Variants in NFKBIZ observed in about 807,000 individuals in gnomAD.
NFKBIZ encodes NF-kappa-B inhibitor zeta.
Under a neutral mutation model 76.8 loss-of-function variants are expected in NFKBIZ, and 19 were observed. The ratio of observed to expected loss-of-function variants is 0.25; its 90% CI spans 0.17 to 0.36. The LOEUF (loss-of-function observed/expected upper bound fraction) is 0.36, where lower values mean the gene tolerates loss of function less well. NFKBIZ is among the 10% of genes least tolerant of loss of function. The pLI is 1.00. For missense variants in NFKBIZ, 829 were observed against 910.9 expected, an observed-to-expected ratio of 0.91 and a Z score of 1.16; for synonymous variants, 368 against 354.8, an observed-to-expected ratio of 1.04 and a Z score of -0.42.
intron 9 of NFKBIZ, 22 bp downstream of exon 9, chr3:101,855,924 A>C (rs1943042592): frequency 1.3e-6 from 2 of 1,588,666 alleles, no homozygotes; most frequent in Admixed American, 3.5e-5. Context: ...GAAAAGGTTT[A>C]AGATGGGGTA....
At chr3:101,854,264 C>T (rs1943014057) in intron 5 of NFKBIZ, among the ~76,000 whole-genome samples, 1 of 152,114 alleles carries the variant, frequency 6.6e-6, no homozygotes, top group Non-Finnish European at 1.5e-5. Flanking sequence ...CTCCTTAGGT[C>T]TCAGTTCCTT....
intron 6 of NFKBIZ, 29 bp downstream of exon 6, chr3:101,854,712 C>A: frequency 6.7e-7 from 1 of 1,491,556 alleles, no homozygotes; most frequent in Non-Finnish European, 9.3e-7. Context: ...TCTGAAATGG[C>A]AAAGAGGGGG....
chr3:101,848,357 T>C (rs1942883856), upstream of NFKBIZ, among the ~76,000 whole-genome samples: 1 of 152,186 alleles, frequency 6.6e-6, no homozygotes, highest in Non-Finnish European at 1.5e-5. Context: ...TTCTTTGCTC[T>C]TGTTCTTTCT....
chr3:101,839,543 A>G (rs1942763688), intron 2 of NFKBIZ, among the ~76,000 whole-genome samples: 1 of 152,180 alleles, frequency 6.6e-6, no homozygotes, highest in Admixed American at 6.5e-5. Context: ...AATTTAACTC[A>G]CCTTCCAAAT....
In NFKBIZ at chr3:101,849,525, C is replaced by G. The variant is rs1296408595; in HGVS notation, c.-104C>G. On this transcript the variant is annotated 5_prime_UTR_variant, in exon 1 of 12. Transcript: ENST00000326172. ...CCCGCGCCGCGCCCGTACTGGCCCG[C>G]GCCGTCCGCCCGCCGACAGCTCCCT... 9.5e-7 allele frequency: 1 copy of G among 1,048,904 alleles called. No homozygotes were observed. The highest frequency in any genetic ancestry group is 1.7e-5 in the African/African-American group (1 of 59,448). 65.0% of individuals were successfully genotyped at this position (1,048,904 alleles called of 1,614,324 possible).
At chr3:101,833,734 C>T (rs1489924098) in intron 2 of NFKBIZ, among the ~76,000 whole-genome samples, 1 of 152,132 alleles carries the variant, frequency 6.6e-6, no homozygotes, top group East Asian at 1.9e-4. Flanking sequence ...TTGTAAACAG[C>T]CAATGAAAAC....
intron 11 of NFKBIZ, chr3:101,857,875 C>T (rs1418688673): frequency 1.1e-6 from 1 of 896,318 alleles, no homozygotes; most frequent in African/African-American, 1.8e-5. Flanking sequence ...GTCCCGGGTA[C>T]AGAGTAAGAG....
At chr3:101,848,815 CAT>C (rs1419704500), upstream of NFKBIZ, 1 of 152,220 alleles carries the variant, frequency 6.6e-6, no homozygotes, top group African/African-American at 2.4e-5. Context: ...ACTTTTTATT[CAT>C]GGCTGCACCT....
chr3:101,838,795 C>G lies in NFKBIZ; in HGVS notation c.-12+9107C>G, dbSNP rs1007309336. Among the ~76,000 whole-genome samples the G allele has an allele frequency of 4.2e-4, 64 of 152,050 alleles. 3 individuals carry two copies. On this transcript the variant is annotated intron_variant, in intron 2 of 12. Transcript: ENST00000394054. ...TCACTAATTCCAGTATTAAATTATC[C>G]CTTCATAAAATTCTTCCTGTTGATA...
chr3:101,853,270 C>G lies in NFKBIZ; in HGVS notation c.744C>G (p.Ser248Arg), dbSNP rs1027460507. ...SWLNPVVVPQSSPAEQCQDFH... is the reference protein window; with the variant it reads ...SWLNPVVVPQRSPAEQCQDFH... ...TGAACCCCGTGGTGGTCCCTCAGAG[C>G]TCCCCCGCAGAGCAGTGTCAGGACT... The change falls in exon 5 of 12, where the codon AGC becomes AGG. Residue 248 changes from serine to arginine, a missense_variant. Transcript: ENST00000326172. 10 of 1,614,048 alleles carry G rather than the reference C, an allele frequency of 6.2e-6. No homozygotes were observed. In the African/African-American group the frequency reaches 1.1e-4, roughly 17 times the overall value.
chr3:101,853,336 A>G lies in NFKBIZ; in HGVS notation c.810A>G (p.Gln270=), dbSNP rs149271993. ...TCTTTTCTCCACCTCAGAAATGCCA[A>G]CCATTCCAAGTCAGGGGCTCCCAAC... ...GQVFSPPQKC[Q]PFQVRGSQQM... is the part of the protein sequence containing the mutation. The change falls in exon 5 of 12, where the codon CAA becomes CAG. Residue 270 remains glutamine (Q), a synonymous_variant. Transcript: ENST00000326172. 1.2e-5 allele frequency: 20 copies of G among 1,614,046 alleles called. No individual in the cohort carries two copies. In the Admixed American group the frequency reaches 1.3e-4, roughly 11 times the overall value.
intron 8 of NFKBIZ, 48 bp downstream of exon 8, chr3:101,855,506 A>G (rs1308437890): frequency 6.5e-6 from 10 of 1,541,054 alleles, no homozygotes; most frequent in Non-Finnish European, 9.0e-6. Context: ...AGGGGGAACC[A>G]TAAGGTCTAA....
chr3:101,833,259 T>G (rs1434190267), intron 2 of NFKBIZ, among the ~76,000 whole-genome samples: 1 of 152,160 alleles, frequency 6.6e-6, no homozygotes, highest in African/African-American at 2.4e-5. Context: ...ACAAAGGTGA[T>G]CCATAGATGT....
At chr3:101,847,192 A>G (rs1158529405), upstream of NFKBIZ, among the ~76,000 whole-genome samples, 5 of 152,262 alleles carry the variant, frequency 3.3e-5, no homozygotes, top group East Asian at 7.7e-4. Flanking sequence ...ATGATGTTGT[A>G]CCAGCTGCCT....
intron 2 of NFKBIZ, 138 bp downstream of exon 2, chr3:101,852,362 G>T: frequency 9.2e-7 from 1 of 1,091,172 alleles, no homozygotes; most frequent in Non-Finnish European, 1.3e-6. Context: ...ATAGGACAGA[G>T]ACCATATTTG....
intron 2 of NFKBIZ, 59 bp downstream of exon 2, chr3:101,852,283 G>T (rs572589338): frequency 1.9e-6 from 3 of 1,574,812 alleles, no homozygotes; most frequent in South Asian, 1.2e-5. Context: ...GTCTGTCAGG[G>T]TTATTATGAT....
In NFKBIZ at chr3:101,859,485, CA is replaced by C; in HGVS notation, c.*117del. 1.3e-6 allele frequency: 1 copy of C among 775,736 alleles called. No individual in the cohort carries two copies. The highest frequency in any genetic ancestry group is 2.2e-6 in the Non-Finnish European group (1 of 453,428). The allele number at this position is 775,736 out of a possible 1,614,324, so 48.1% of individuals were successfully genotyped here. A position where few individuals can be genotyped will look rare whatever the true frequency, so the allele number is the denominator to read the frequency against. ...GCAAATGTAAGTTGTTTCTATGAAA[CA>C]AACATATTTAGTTCACTATTATATA... On this transcript the variant is annotated 3_prime_UTR_variant, in exon 12 of 12. Coordinates refer to ENST00000326172, the MANE Select transcript of NFKBIZ (RefSeq NM_031419.4).
intron 11 of NFKBIZ, chr3:101,858,240 T>G (rs890624770): frequency 3.1e-6 from 3 of 982,988 alleles, no homozygotes; most frequent in Non-Finnish European, 3.6e-6. Context: ...TTCTGAGCTG[T>G]CATTATGACC....
intron 2 of NFKBIZ, among the ~76,000 whole-genome samples, chr3:101,829,950 C>T: frequency 6.6e-6 from 1 of 151,280 alleles, no homozygotes; most frequent in East Asian, 1.9e-4. Context: ...TGCTATTTTC[C>T]ATAGCAAGAG....
Sources: allele counts gnomAD v4.1 joint callset (sites outside exome capture counted in the v4.1 genomes callset), GRCh38; gene constraint gnomAD v4.1.1; transcripts MANE v1.5; gene names NCBI Gene and HGNC (gene_info 2026-07-23, HGNC 2026-07-21).